ZNF850: variants seen among roughly 807,000 people sequenced by gnomAD.
The protein encoded by ZNF850 is putative zinc finger protein ENSP00000330994.
In ZNF850, 2 loss-of-function variants were observed where a neutral mutation model predicts 11.9. The ratio of observed to expected loss-of-function variants is 0.17; its 90% CI spans 0.07 to 0.53. The LOEUF (loss-of-function observed/expected upper bound fraction) is 0.53, where lower values mean the gene tolerates loss of function less well. Ranked by LOEUF, ZNF850 falls within the 20% of genes least tolerant of loss-of-function variation. ZNF850 has a pLI of 0.94. For synonymous variants in ZNF850, 381 were observed against 443.0 expected, an observed-to-expected ratio of 0.86 and a Z score of 1.76; for missense variants, 1,014 against 1,316.4, an observed-to-expected ratio of 0.77 and a Z score of 3.55.
chr19:36,760,580 T>C (rs1200032112), intron 4 of ZNF850, among the ~76,000 whole-genome samples: 1 of 151,334 alleles, frequency 6.6e-6, no homozygotes, highest in Non-Finnish European at 1.5e-5. Context: ...TAAAAGTGAA[T>C]GAGGTCAGAC....
In ZNF850 at chr19:36,745,467, A is replaced by G. The variant is rs150560882; in HGVS notation, c.*2300T>C. 0.016 allele frequency: 2,376 copies of G among 152,184 alleles called. 27 individuals carry two copies. Among genetic ancestry groups the G allele is most frequent in the Non-Finnish European group, 0.025 (1,677 of 68,006 alleles). 9.4% of individuals were successfully genotyped at this position (152,184 alleles called of 1,614,324 possible). On this transcript the variant is annotated 3_prime_UTR_variant, in exon 5 of 5. Transcript: ENST00000591344. ...TACCTTATCTAAATTAGTCCTGCCC[A>G]GAGTTCAGAGACCAGCCTGACCAAC...
intron 1 of ZNF850, among the ~76,000 whole-genome samples, chr19:36,771,464 G>A (rs540659970): frequency 1.3e-5 from 2 of 149,822 alleles, no homozygotes; most frequent in South Asian, 4.3e-4. Context: ...GACCAATCAG[G>A]AGCTGAAGTG....
At chr19:36,761,995 G>A (rs189638440) in intron 3 of ZNF850, among the ~76,000 whole-genome samples, 6 of 146,748 alleles carry the variant, frequency 4.1e-5, no homozygotes, top group African/African-American at 1.0e-4. Context: ...GGAGTGAACC[G>A]AGATCATGAC....
chr19:36,760,932 A>T (rs192979452), intron 4 of ZNF850, among the ~76,000 whole-genome samples: 1 of 152,184 alleles, frequency 6.6e-6, no homozygotes, highest in Non-Finnish European at 1.5e-5. Flanking sequence ...ACTAGACAAG[A>T]CAACACACAA....
At chr19:36,752,123 GTA>G (rs1324906736) in intron 4 of ZNF850, among the ~76,000 whole-genome samples, 1 of 141,792 alleles carries the variant, frequency 7.1e-6, no homozygotes, top group East Asian at 2.0e-4. Flanking sequence ...TGAATTGGCA[GTA>G]TAAGAGTGCA....
At chr19:36,770,536 T>TA (rs956470708) in intron 1 of ZNF850, among the ~76,000 whole-genome samples, 234 of 150,976 alleles carry the variant, frequency 1.5e-3, no homozygotes, top group Non-Finnish European at 2.7e-3. Flanking sequence ...CCGTCTCTAC[T>TA]AAAAAAAACA....
At position 36,760,837 on chromosome 19, in the gene ZNF850, C is replaced by A. The variant is rs2040513662; in HGVS notation, c.235+806G>T. 1.3e-5 allele frequency among the ~76,000 whole-genome samples: 2 copies of A among 151,752 alleles called. 1 individual carries two copies. Among genetic ancestry groups the A allele is most frequent in the South Asian group, 4.2e-4 (2 of 4,794 alleles). On this transcript the variant is annotated intron_variant, in intron 4 of 4. Transcript: ENST00000591344. Reference sequence around the variant, plus strand: ...CCAATATTGCACCACTGCACTCCAGCCTGGGTGACAGAGTAAGACTCTGTT... The same window carrying A: ...CCAATATTGCACCACTGCACTCCAGACTGGGTGACAGAGTAAGACTCTGTT...
intron 4 of ZNF850, among the ~76,000 whole-genome samples, chr19:36,760,568 A>C (rs933707188): frequency 1.3e-4 from 20 of 151,328 alleles, no homozygotes; most frequent in Admixed American, 9.9e-4. Flanking sequence ...ATAAATTTTG[A>C]CTAAAAGTGA....
At chr19:36,757,682 G>T (rs2040495192) in intron 4 of ZNF850, among the ~76,000 whole-genome samples, 2 of 151,656 alleles carry the variant, frequency 1.3e-5, no homozygotes, top group Non-Finnish European at 2.9e-5. Flanking sequence ...AATTTTTTGT[G>T]TGTTTGTTTT....
intron 4 of ZNF850, among the ~76,000 whole-genome samples, chr19:36,759,585 C>G (rs2040506490): frequency 6.6e-6 from 1 of 152,128 alleles, no homozygotes; most frequent in Non-Finnish European, 1.5e-5. Context: ...GGTCAACAGG[C>G]ATAGATCAAG....
At chr19:36,755,030 C>G (rs542549635) in intron 4 of ZNF850, among the ~76,000 whole-genome samples, 1 of 152,122 alleles carries the variant, frequency 6.6e-6, no homozygotes, top group African/African-American at 2.4e-5. Context: ...TCCCCACCCC[C>G]ACAAAAACAC....
At chr19:36,762,221 C>T in intron 3 of ZNF850, 84 bp downstream of exon 3, 1 of 1,200,968 alleles carries the variant, frequency 8.3e-7, no homozygotes, top group Non-Finnish European at 1.1e-6. Flanking sequence ...CAAAACAATT[C>T]CCTAGGCAAC....
chr19:36,747,473 C>T lies in ZNF850; in HGVS notation c.*294G>A, dbSNP rs570547534. The T allele has an allele frequency of 4.3e-4, 99 of 232,450 alleles. No homozygotes were observed. Among genetic ancestry groups the T allele is most frequent in the Non-Finnish European group, 7.7e-4 (91 of 118,772 alleles). The allele number at this position is 232,450 out of a possible 1,614,324, so 14.4% of individuals were successfully genotyped here. A position where few individuals can be genotyped will look rare whatever the true frequency, so the allele number is the denominator to read the frequency against. ...TGAAACCCTGTCTCTACTAAAAATA[C>T]AAAAACAAAAAAATTAGCCAGGCGT... On this transcript the variant is annotated 3_prime_UTR_variant, in exon 5 of 5. Coordinates refer to ENST00000591344, the MANE Select transcript of ZNF850 (RefSeq NM_001193552.2).
In ZNF850 at chr19:36,744,861, T is replaced by G. The variant is rs2040402108; in HGVS notation, c.*2906A>C. On this transcript the variant is annotated 3_prime_UTR_variant, in exon 5 of 5. Coordinates refer to ENST00000591344, the MANE Select transcript of ZNF850 (RefSeq NM_001193552.2). ...TGAGCCGGGCGGGGTGGCTCACGCC[T>G]GTAATCCCAGCACTTTGGGAGGCCG... The G allele has an allele frequency of 6.6e-6, 1 of 152,204 alleles. No homozygotes were observed. The highest frequency in any genetic ancestry group is 2.1e-4 in the South Asian group (1 of 4,828). 9.4% of individuals were successfully genotyped at this position (152,204 alleles called of 1,614,324 possible). A position where few individuals can be genotyped will look rare whatever the true frequency, so the allele number is the denominator to read the frequency against.
chr19:36,749,911 G>T lies in ZNF850; in HGVS notation c.1129C>A (p.His377Asn). 6.4e-7 allele frequency: 1 copy of T among 1,570,238 alleles called. No individual in the cohort carries two copies. ...CGCTGATGTCGAATTAGAGCTGAGTGAAAAGTAAAAGATTTTCCACATTCC... is the reference window on the plus strand; with the variant it reads ...CGCTGATGTCGAATTAGAGCTGAGTTAAAAGTAAAAGATTTTCCACATTCC... ...CKECGKSFTF[H>N]SALIRHQRIH... The change falls in exon 5 of 5, where the codon CAC (histidine) becomes AAC (asparagine). Residue 377 changes from histidine to asparagine, a missense_variant. Coordinates refer to ENST00000591344, the MANE Select transcript of ZNF850 (RefSeq NM_001193552.2).
chr19:36,750,116 G>A lies in ZNF850; in HGVS notation c.924C>T (p.Pro308=). The A allele has an allele frequency of 6.5e-7, 1 of 1,538,488 alleles. No individual in the cohort carries two copies. The highest frequency in any genetic ancestry group is 8.7e-7 in the Non-Finnish European group (1 of 1,146,972). ...ATTTTCCACATTGCTTACAATGATA[G>A]GGTTTCTCACCAGTGTGAATTTGCT... The part of the protein sequence containing the change: ...QHQQIHTGEK[P]YHCKQCGKSF... Residue 308 remains proline (P), a synonymous_variant, in exon 5 of 5, where the codon CCC becomes CCT. Coordinates refer to ENST00000591344, the MANE Select transcript of ZNF850 (RefSeq NM_001193552.2).
intron 1 of ZNF850, among the ~76,000 whole-genome samples, chr19:36,766,738 T>G (rs1259045241): frequency 2.0e-5 from 3 of 152,234 alleles, no homozygotes; most frequent in Admixed American, 1.3e-4. Context: ...CGCTAATCTA[T>G]TTGAATGTGG....
chr19:36,769,275 AAAAAGAAAGAAAG>A (rs772710713), intron 1 of ZNF850, among the ~76,000 whole-genome samples: 5 of 120,338 alleles, frequency 4.2e-5, no homozygotes, highest in East Asian at 2.1e-4. Flanking sequence ...AAAAAAAAAA[AAAAAGAAAGAAAG>A]AAAGAAAGAA....
chr19:36,765,301 T>C (rs2040542801), intron 1 of ZNF850, among the ~76,000 whole-genome samples: 1 of 152,210 alleles, frequency 6.6e-6, no homozygotes, highest in Non-Finnish European at 1.5e-5. Flanking sequence ...GTCAGTATCA[T>C]TTAGACATGA....
Sources: gnomAD v4.1 joint callset for allele counts (sites outside exome capture counted in the v4.1 genomes callset) on GRCh38, gnomAD v4.1.1 for gene constraint, MANE v1.5 for transcripts, NCBI Gene and HGNC (gene_info 2026-07-23, HGNC 2026-07-21) for gene names.